The following BMPER variants were observed in gnomAD, a reference collection of about 807,000 sequenced individuals.
The protein encoded by BMPER is BMP binding endothelial regulator.
In BMPER, 45 loss-of-function variants were observed where a neutral mutation model predicts 87.3. The observed-to-expected ratio is 0.52, with a 90% confidence interval of 0.41 to 0.66. The LOEUF (loss-of-function observed/expected upper bound fraction) is 0.66. Ranked by LOEUF, BMPER falls within the 30% of genes least tolerant of loss-of-function variation. BMPER has a pLI of 0.00. For synonymous variants in BMPER, 326 were observed against 316.2 expected (o/e 1.03, Z -0.33); for missense variants, 784 against 867.5 (o/e 0.90, Z 1.21).
At chr7:33,928,964 C>T (rs1784423328) in intron 2 of BMPER, among the ~76,000 whole-genome samples, 1 of 152,164 alleles carries the variant, frequency 6.6e-6, no homozygotes, top group African/African-American at 2.4e-5. Flanking sequence ...TCCTCCACCC[C>T]CCTGCCTTTT....
At chr7:34,068,911 T>C (rs979646602) in intron 11 of BMPER, among the ~76,000 whole-genome samples, 2 of 152,236 alleles carry the variant, frequency 1.3e-5, no homozygotes, top group Non-Finnish European at 2.9e-5. Context: ...AGGACTTGCA[T>C]ATTTTTAAAA....
At chr7:34,038,162 A>C (rs1274042693) in intron 6 of BMPER, among the ~76,000 whole-genome samples, 1 of 152,172 alleles carries the variant, frequency 6.6e-6, no homozygotes, top group Non-Finnish European at 1.5e-5. Flanking sequence ...TAAGTTAAGG[A>C]CCTTGCGATG....
intron 11 of BMPER, among the ~76,000 whole-genome samples, chr7:34,074,221 T>C (rs1021807189): frequency 6.6e-6 from 1 of 152,274 alleles, no homozygotes; most frequent in Admixed American, 6.5e-5. Context: ...TGGTGGAAAG[T>C]GACCTACTCC....
rs190459436 is a variant in BMPER, at chr7:33,951,587, G to A, written c.319+14199G>A. The stretch of plus-strand genomic sequence containing the variant: ...TTGTGATTCAGCATTTTGATTTTCC[G>A]GAACTCCTGCTGAACTGGAAGTTTT... On this transcript the variant is annotated intron_variant, in intron 3 of 14. Coordinates refer to ENST00000649409, the MANE Select transcript of BMPER (RefSeq NM_001365308.1). Among the ~76,000 whole-genome samples the A allele has an allele frequency of 9.9e-4, 151 of 152,070 alleles. 1 individual carries two copies. The highest frequency in any genetic ancestry group is 3.2e-3 in the African/African-American group (131 of 41,460).
chr7:34,011,583 C>CAAAAAAAA (rs36022297), intron 6 of BMPER, among the ~76,000 whole-genome samples: 27 of 45,752 alleles, frequency 5.9e-4, no homozygotes, highest in African/African-American at 1.3e-3. Context: ...TTGGTCAGGG[C>CAAAAAAAA]AAAAAAAAAA....
At chr7:34,050,403 C>A (rs907930742) in intron 7 of BMPER, among the ~76,000 whole-genome samples, 10 of 152,048 alleles carry the variant, frequency 6.6e-5, no homozygotes, top group Non-Finnish European at 1.5e-5. Flanking sequence ...TGAGGGCCAA[C>A]AAGTTTGCTC....
chr7:33,992,563 CTT>C (rs1283614647), intron 6 of BMPER, among the ~76,000 whole-genome samples: 3 of 149,204 alleles, frequency 2.0e-5, no homozygotes, highest in South Asian at 2.1e-4. Flanking sequence ...GGTCTTGACT[CTT>C]TATCCAATTT....
chr7:33,992,010 A>G (rs1390444141), intron 6 of BMPER, among the ~76,000 whole-genome samples: 2 of 149,020 alleles, frequency 1.3e-5, no homozygotes, highest in Admixed American at 1.3e-4. Context: ...GTTCTTTTAC[A>G]TTTGCTGAGG....
At chr7:34,118,985 C>A (rs1237843977) in intron 13 of BMPER, among the ~76,000 whole-genome samples, 6 of 144,248 alleles carry the variant, frequency 4.2e-5, no homozygotes, top group Non-Finnish European at 7.4e-5. Flanking sequence ...CTCTCTCTCT[C>A]TCTCTCTCAC....
Position 33,905,684 on chromosome 7 carries a change from G to T in BMPER, c.71G>T (p.Cys24Phe). 6.2e-7 allele frequency: 1 copy of T among 1,613,532 alleles called. No homozygotes were observed. Among genetic ancestry groups the T allele is most frequent in the Non-Finnish European group, 8.5e-7 (1 of 1,179,920 alleles). ...YCRRSPGITC[C>F]VLLLLNCSGV... is the part of the protein sequence containing the mutation. ...CGCCGCTCGCCTGGGATTACGTGCTGCGTCTTGCTGCTACTCAATTGCTCG... is the reference window on the plus strand; with the variant it reads ...CGCCGCTCGCCTGGGATTACGTGCTTCGTCTTGCTGCTACTCAATTGCTCG... Residue 24 changes from cysteine to phenylalanine, a missense_variant, in exon 1 of 15, where the codon TGC (cysteine) becomes TTC (phenylalanine). Cys to Phe is a radical substitution (Grantham distance 205). Transcript: ENST00000649409.
At chr7:33,905,790 T>C (rs1164081484) in intron 1 of BMPER, 44 bp downstream of exon 1, 1 of 1,526,376 alleles carries the variant, frequency 6.6e-7, no homozygotes. Flanking sequence ...GGACGCCGGT[T>C]TGGTACCTGG....
At chr7:33,938,382 A>G (rs1327429834) in intron 3 of BMPER, among the ~76,000 whole-genome samples, 2 of 152,212 alleles carry the variant, frequency 1.3e-5, no homozygotes, top group Non-Finnish European at 2.9e-5. Context: ...AGATGAAGTC[A>G]TGCTGAATTT....
rs1244324589 is a variant in BMPER at position 34,154,151 on chromosome 7, T to C, written c.*878T>C. On this transcript the variant is annotated 3_prime_UTR_variant, in exon 15 of 15. Transcript: ENST00000649409. The stretch of plus-strand genomic sequence containing the variant: ...AGTAATTTAAGATGGGCAAATCCAA[T>C]GAGTTGATGTAACCCATCTACATTT... 6.5e-6 allele frequency: 1 copy of C among 152,684 alleles called. No homozygotes were observed. The highest frequency in any genetic ancestry group is 2.4e-5 in the African/African-American group (1 of 41,468). The allele number at this position is 152,684 out of a possible 1,614,324, so 9.5% of individuals were successfully genotyped here. A position where few individuals can be genotyped will look rare whatever the true frequency, so the allele number is the denominator to read the frequency against.
intron 6 of BMPER, among the ~76,000 whole-genome samples, chr7:34,023,329 A>C (rs956618628): frequency 6.6e-6 from 1 of 152,080 alleles, no homozygotes; most frequent in African/African-American, 2.4e-5. Flanking sequence ...GTCTGATGGC[A>C]CTAGGGTGAC....
intron 13 of BMPER, among the ~76,000 whole-genome samples, chr7:34,120,579 G>A (rs747867796): frequency 2.0e-5 from 3 of 152,054 alleles, no homozygotes; most frequent in Non-Finnish European, 4.4e-5. Context: ...TGTGTTTTTC[G>A]TAGAGATGAG....
chr7:34,044,583 T>C (rs1210036305), intron 6 of BMPER, among the ~76,000 whole-genome samples: 1 of 152,174 alleles, frequency 6.6e-6, no homozygotes, highest in Admixed American at 6.5e-5. Context: ...TACATGCCCC[T>C]GAAGTCTGAT....
At chr7:33,937,212 A>G (rs1784623839) in intron 2 of BMPER, 77 bp from the exon 3 acceptor site, 4 of 1,474,626 alleles carry the variant, frequency 2.7e-6, no homozygotes, top group Non-Finnish European at 3.8e-6. Flanking sequence ...GGGCTCGGGA[A>G]ACCTCTGTGG....
At position 34,121,834 on chromosome 7, in the gene BMPER, A is replaced by G. The variant is rs1312172260; in HGVS notation, c.1746-21396A>G. 1.3e-5 allele frequency among the ~76,000 whole-genome samples: 2 copies of G among 152,148 alleles called. 1 individual carries two copies. Among genetic ancestry groups the G allele is most frequent in the Admixed American group, 1.3e-4 (2 of 15,268 alleles). On this transcript the variant is annotated intron_variant, in intron 13 of 14. Coordinates refer to ENST00000649409, the MANE Select transcript of BMPER (RefSeq NM_001365308.1). ...ATTGTGAAGTACCAAAGAAATACAG[A>G]GCAAAGGCCAGGTGTGGTGGCTCAT...
chr7:33,927,562 G>A (rs1231914962), intron 2 of BMPER, among the ~76,000 whole-genome samples: 1 of 152,158 alleles, frequency 6.6e-6, no homozygotes, highest in African/African-American at 2.4e-5. Context: ...TTCCTATATT[G>A]CAGTAAGTCA....
Sources: allele counts gnomAD v4.1 joint callset (sites outside exome capture counted in the v4.1 genomes callset), GRCh38; gene constraint gnomAD v4.1.1; transcripts MANE v1.5; gene names NCBI Gene and HGNC (gene_info 2026-07-23, HGNC 2026-07-21).